Variants in TMEM209 observed in about 807,000 individuals in gnomAD.
TMEM209 encodes the protein testicular tissue protein Li 202.
In TMEM209, 65 loss-of-function variants were observed where a neutral mutation model predicts 76.2. That is an observed-to-expected ratio of 0.85 (90% CI 0.70 to 1.05). The LOEUF (loss-of-function observed/expected upper bound fraction) is 1.05, where lower values mean the gene tolerates loss of function less well. Ranked by LOEUF, TMEM209 falls within the 50% of genes least tolerant of loss-of-function variation. The pLI, the probability that TMEM209 is intolerant of heterozygous loss-of-function variation, is 0.00. For missense variants in TMEM209, 623 were observed against 685.5 expected (o/e 0.91, Z 1.02); for synonymous variants, 239 against 237.6 (o/e 1.01, Z -0.06).
In TMEM209 at chr7:130,205,014, G is replaced by A. The variant is rs73469910; in HGVS notation, c.3+359C>T. ...GTAAGAGGGAGAGAGGGGAAAACGT[G>A]CATTGTTTTGGTCCACATTTGGGAT... On this transcript the variant is annotated intron_variant, in intron 1 of 14. Coordinates refer to ENST00000397622, the MANE Select transcript of TMEM209 (RefSeq NM_032842.4). 4.5e-4 allele frequency: 545 copies of A among 1,208,862 alleles called. 1 individual carries two copies. The African/African-American group carries it at 7.6e-3, about 17-fold the overall frequency. The allele number at this position is 1,208,862 out of a possible 1,614,324, so 74.9% of individuals were successfully genotyped here. A position where few individuals can be genotyped will look rare whatever the true frequency, so the allele number is the denominator to read the frequency against.
rs947140144 is a variant in TMEM209, at chr7:130,201,559, G to A, written c.573+291C>T. ...AGAAGGAAAGCAAGAGGGAAAACAG[G>A]AGTAAAAGCAACTAAAGTAAAAAAT... On this transcript the variant is annotated intron_variant, in intron 5 of 14. Transcript: ENST00000397622. 2.6e-5 allele frequency among the ~76,000 whole-genome samples: 4 copies of A among 152,238 alleles called. 1 individual carries two copies. Among genetic ancestry groups the A allele is most frequent in the Admixed American group, 2.6e-4 (4 of 15,288 alleles).
At chr7:130,202,227 AT>A in intron 4 of TMEM209, 136 bp from the exon 5 acceptor site, 1 of 1,227,964 alleles carries the variant, frequency 8.1e-7, no homozygotes, top group South Asian at 1.6e-5. Context: ...CACAGAATGT[AT>A]TATTACCAAA....
chr7:130,198,133 T>G (rs892161289), intron 5 of TMEM209, among the ~76,000 whole-genome samples: 1 of 152,206 alleles, frequency 6.6e-6, no homozygotes, highest in Non-Finnish European at 1.5e-5. Flanking sequence ...ATTTGCCCAT[T>G]CTGAACATTT....
intron 6 of TMEM209, among the ~76,000 whole-genome samples, chr7:130,185,761 A>G (rs181818745): frequency 6.6e-6 from 1 of 152,336 alleles, no homozygotes; most frequent in East Asian, 1.9e-4. Context: ...TCTAAAAGGG[A>G]TAACTATAGC....
intron 14 of TMEM209, among the ~76,000 whole-genome samples, chr7:130,168,605 T>A (rs530705259): frequency 1.3e-5 from 2 of 152,318 alleles, no homozygotes; most frequent in East Asian, 3.9e-4. Flanking sequence ...GTCCAAGATA[T>A]GCCATAAGCC....
Position 130,182,664 on chromosome 7 carries a change from T to C in TMEM209, c.1024-945A>G, listed in dbSNP as rs182174267. Among the ~76,000 whole-genome samples the C allele has an allele frequency of 1.9e-3, 288 of 152,340 alleles. 1 individual carries two copies. Among genetic ancestry groups the C allele is most frequent in the African/African-American group, 6.6e-3 (273 of 41,578 alleles). Reference sequence around the variant, plus strand: ...ATCCCATCTGGTTTGTGTGTTATTATTTTGTGTATGTGTTTGTAGCAACTT... The same window carrying C: ...ATCCCATCTGGTTTGTGTGTTATTACTTTGTGTATGTGTTTGTAGCAACTT... On this transcript the variant is annotated intron_variant, in intron 8 of 14. Coordinates refer to ENST00000397622, the MANE Select transcript of TMEM209 (RefSeq NM_032842.4).
rs1796859708 is a variant in TMEM209 at position 130,165,709 on chromosome 7, A to AC, written c.*741_*742insG. 1 of 151,658 alleles carries AC rather than the reference A, an allele frequency of 6.6e-6. No homozygotes were observed. The highest frequency in any genetic ancestry group is 2.4e-5 in the African/African-American group (1 of 41,292). 9.4% of individuals were successfully genotyped at this position (151,658 alleles called of 1,614,324 possible). A position where few individuals can be genotyped will look rare whatever the true frequency, so the allele number is the denominator to read the frequency against. ...ATGCTGGGGAAACATTAAAAAAAAA[A>AC]AAAAAAAAACTAAATCAGCAATTTT... On this transcript the variant is annotated 3_prime_UTR_variant, in exon 15 of 15. Transcript: ENST00000397622.
In TMEM209 at chr7:130,166,830, A is replaced by C. The variant is rs1685881869; in HGVS notation, c.1632-325T>G. Among the ~76,000 whole-genome samples the C allele has an allele frequency of 1.3e-5, 2 of 152,176 alleles. 1 individual carries two copies. The highest frequency in any genetic ancestry group is 4.1e-4 in the South Asian group (2 of 4,830). On this transcript the variant is annotated intron_variant, in intron 14 of 14. Transcript: ENST00000397622. ...TAAAAGTATCAATTGTATTTAAAAG[A>C]TGGAAGATATGGAGATGCTAGCCTC...
intron 14 of TMEM209, among the ~76,000 whole-genome samples, chr7:130,167,229 T>C (rs918252364): frequency 1.3e-5 from 2 of 152,138 alleles, no homozygotes; most frequent in South Asian, 2.1e-4. Context: ...GAATTGCTCA[T>C]TTCTGTCATG....
intron 3 of TMEM209, among the ~76,000 whole-genome samples, chr7:130,203,241 T>G (rs1798284163): frequency 6.6e-6 from 1 of 152,230 alleles, no homozygotes; most frequent in Non-Finnish European, 1.5e-5. Context: ...AGTAGAGAGT[T>G]AGTTAGTGAA....
intron 6 of TMEM209, among the ~76,000 whole-genome samples, chr7:130,189,586 T>A (rs140702250): frequency 1.3e-5 from 2 of 152,306 alleles, no homozygotes; most frequent in African/African-American, 4.8e-5. Context: ...CGCAACTTCC[T>A]TTCAAATGAT....
intron 14 of TMEM209, among the ~76,000 whole-genome samples, chr7:130,167,303 A>G (rs1796912284): frequency 6.6e-6 from 1 of 152,168 alleles, no homozygotes; most frequent in Non-Finnish European, 1.5e-5. Flanking sequence ...AAAAGCTGCC[A>G]AAAATGCCTT....
At chr7:130,176,961 GAGCTATA>G (rs1334376619) in intron 10 of TMEM209, among the ~76,000 whole-genome samples, 2 of 149,316 alleles carry the variant, frequency 1.3e-5, no homozygotes, top group Non-Finnish European at 3.0e-5. Flanking sequence ...AGACTGCAAG[GAGCTATA>G]CACTCCTGCA....
intron 8 of TMEM209, among the ~76,000 whole-genome samples, chr7:130,183,829 G>C (rs971497479): frequency 6.6e-6 from 1 of 152,080 alleles, no homozygotes; most frequent in Non-Finnish European, 1.5e-5. Flanking sequence ...GTTTTCTGAG[G>C]GCAAGGACCT....
chr7:130,181,936 C>T, intron 8 of TMEM209: 1 of 409,648 alleles, frequency 2.4e-6, no homozygotes, highest in Non-Finnish European at 4.5e-6. Flanking sequence ...AATTAACTAA[C>T]TTACATTCCT....
chr7:130,170,954 A>G (rs1192511764), intron 13 of TMEM209, among the ~76,000 whole-genome samples: 1 of 151,196 alleles, frequency 6.6e-6, no homozygotes, highest in Non-Finnish European at 1.5e-5. Context: ...TCAGCCTCCC[A>G]AGTAGCTGGG....
rs780697472 is a variant in TMEM209, at chr7:130,173,917, G to A, written c.1367C>T (p.Thr456Ile). 3 of 1,612,936 alleles carry A rather than the reference G, an allele frequency of 1.9e-6. No individual in the cohort carries two copies. The African/African-American group carries it at 4.0e-5, about 22-fold the overall frequency. Residue 456 changes from threonine to isoleucine, a missense_variant, in exon 12 of 15, where the codon ACC becomes ATC. Physicochemically the swap from Thr to Ile is moderately conservative, Grantham distance 89. Coordinates refer to ENST00000397622, the MANE Select transcript of TMEM209 (RefSeq NM_032842.4). Reference protein sequence around the residue: ...DSAIIMHVFCTYLDSRLPPHP... With the variant: ...DSAIIMHVFCIYLDSRLPPHP... ...TGGAGGTAATCTGGAATCAAGGTAG[G>A]TGCAAAATACATGCATGATGATCTG... is the stretch of plus-strand genomic sequence containing the variant.
At chr7:130,193,694 T>TA (rs998041627) in intron 5 of TMEM209, among the ~76,000 whole-genome samples, 18 of 150,810 alleles carry the variant, frequency 1.2e-4, no homozygotes, top group African/African-American at 3.4e-4. Context: ...TGGCGGCAAT[T>TA]AAAAAAAAAC....
Position 130,190,074 on chromosome 7 carries a change from C to G in TMEM209, c.775+2548G>C, listed in dbSNP as rs1046779271. Among the ~76,000 whole-genome samples the G allele has an allele frequency of 6.6e-5, 10 of 152,142 alleles. No individual in the cohort carries two copies. The South Asian group carries it at 1.2e-3, about 19-fold the overall frequency. ...AGAAGTCAGCTTACAGAGGATCCCA[C>G]TAGCCCAATCTGAGACAATCAAATC... On this transcript the variant is annotated intron_variant, in intron 6 of 14. Coordinates refer to ENST00000397622, the MANE Select transcript of TMEM209 (RefSeq NM_032842.4).
Sources: gnomAD v4.1 joint callset for allele counts (sites outside exome capture counted in the v4.1 genomes callset) on GRCh38, gnomAD v4.1.1 for gene constraint, MANE v1.5 for transcripts, NCBI Gene and HGNC (gene_info 2026-07-23, HGNC 2026-07-21) for gene names.